USH2A: variants seen among roughly 807,000 people sequenced by gnomAD.
USH2A encodes usherin.
USH2A carries 443 observed loss-of-function variants against 538.9 expected under a neutral mutation model. That is an observed-to-expected ratio of 0.82 (90% CI 0.76 to 0.89). USH2A has a LOEUF of 0.89. USH2A is among the 40% of genes least tolerant of loss of function. The pLI, the probability that USH2A is intolerant of heterozygous loss-of-function variation, is 0.00. For synonymous variants in USH2A, 2,413 were observed against 2,273.5 expected, an observed-to-expected ratio of 1.06 and a Z score of -1.75; for missense variants, 6,633 against 6,324.8, an observed-to-expected ratio of 1.05 and a Z score of -1.65.
chr1:216,241,987 A>G (rs2035947115), intron 13 of USH2A, among the ~76,000 whole-genome samples: 1 of 152,196 alleles, frequency 6.6e-6, no homozygotes. Context: ...CATTTAAAGT[A>G]TTATCGTATT....
At chr1:216,088,494 A>G (rs1034483643) in intron 23 of USH2A, among the ~76,000 whole-genome samples, 7 of 152,198 alleles carry the variant, frequency 4.6e-5, no homozygotes, top group Admixed American at 3.3e-4. Flanking sequence ...AGCCTGCATC[A>G]TTATACAGGT....
At chr1:215,686,122 A>G (rs886270442) in intron 61 of USH2A, among the ~76,000 whole-genome samples, 3 of 152,106 alleles carry the variant, frequency 2.0e-5, no homozygotes, top group African/African-American at 7.2e-5. Context: ...AACATTTTTG[A>G]GCATCTTTTA....
At chr1:216,170,132 G>T (rs1208644280) in intron 21 of USH2A, among the ~76,000 whole-genome samples, 1 of 152,016 alleles carries the variant, frequency 6.6e-6, no homozygotes, top group Admixed American at 6.6e-5. Flanking sequence ...TTCTTTTAAT[G>T]AAGTGCTTAA....
At chr1:215,893,205 A>T (rs187122994) in intron 40 of USH2A, among the ~76,000 whole-genome samples, 131 of 152,320 alleles carry the variant, frequency 8.6e-4, no homozygotes, top group Non-Finnish European at 9.9e-4. Context: ...GATTAAATGA[A>T]TCTATGTATT....
intron 47 of USH2A, among the ~76,000 whole-genome samples, chr1:215,829,858 T>C (rs1204656119): frequency 1.3e-5 from 2 of 152,160 alleles, no homozygotes; most frequent in Admixed American, 6.5e-5. Flanking sequence ...TTGCTAGGCT[T>C]CTGACTGGGG....
At chr1:215,821,410 T>C (rs929534095) in intron 47 of USH2A, among the ~76,000 whole-genome samples, 4 of 151,730 alleles carry the variant, frequency 2.6e-5, no homozygotes, top group Admixed American at 6.6e-5. Flanking sequence ...CAATAGGCAA[T>C]ATAAATGCCT....
intron 37 of USH2A, among the ~76,000 whole-genome samples, chr1:215,942,278 G>C (rs1390665219): frequency 6.6e-6 from 1 of 152,110 alleles, no homozygotes; most frequent in Non-Finnish European, 1.5e-5. Flanking sequence ...ACCACTTGCT[G>C]TATCAAAAAG....
chr1:216,183,669 T>C (rs1171434253), intron 20 of USH2A, among the ~76,000 whole-genome samples: 1 of 151,982 alleles, frequency 6.6e-6, no homozygotes, highest in Non-Finnish European at 1.5e-5. Flanking sequence ...TGCTAATTCA[T>C]CCCATTTACA....
intron 62 of USH2A, among the ~76,000 whole-genome samples, chr1:215,679,647 A>C (rs1658158750): frequency 6.6e-6 from 1 of 152,222 alleles, no homozygotes; most frequent in African/African-American, 2.4e-5. Flanking sequence ...ATTGTTTCTC[A>C]CGGCTACATA....
At chr1:215,842,131 C>T (rs1663695599) in intron 46 of USH2A, among the ~76,000 whole-genome samples, 1 of 152,122 alleles carries the variant, frequency 6.6e-6, no homozygotes. Flanking sequence ...TGATACCAGC[C>T]TGGTCAACAT....
chr1:215,853,816 C>T (rs148231249), intron 44 of USH2A, among the ~76,000 whole-genome samples: 1,954 of 152,308 alleles, frequency 0.013, 16 homozygotes, highest in Non-Finnish European at 0.021. Context: ...AATTCCTCAT[C>T]TCCATCTGAG....
intron 70 of USH2A, among the ~76,000 whole-genome samples, chr1:215,633,247 T>C (rs766375276): frequency 4.6e-5 from 7 of 152,024 alleles, no homozygotes; most frequent in Non-Finnish European, 7.4e-5. Flanking sequence ...GGAAGGAGGC[T>C]CCGAGGAGGA....
At chr1:215,909,598 C>G (rs1452943839) in intron 38 of USH2A, among the ~76,000 whole-genome samples, 2 of 151,812 alleles carry the variant, frequency 1.3e-5, no homozygotes, top group Non-Finnish European at 2.9e-5. Context: ...AAAATAAAGT[C>G]TACTAACATT....
At chr1:216,232,170 CTT>C in intron 13 of USH2A, 34 bp from the exon 14 acceptor site, 6 of 1,577,674 alleles carry the variant, frequency 3.8e-6, no homozygotes, top group Non-Finnish European at 5.2e-6. Flanking sequence ...TTTATATATA[CTT>C]TTTATCCACT....
chr1:216,321,853 T>C (rs542495116), intron 9 of USH2A, 30 bp downstream of exon 9: 2 of 1,586,356 alleles, frequency 1.3e-6, no homozygotes, highest in Non-Finnish European at 1.7e-6. Flanking sequence ...TATTTTTTTT[T>C]TAGATTTCCA....
chr1:215,674,993 G>C lies in USH2A; in HGVS notation c.12918C>G (p.Leu4306=). 1 of 1,614,200 alleles carries C rather than the reference G, an allele frequency of 6.2e-7. No homozygotes were observed. Among genetic ancestry groups the C allele is most frequent in the South Asian group, 1.1e-5 (1 of 91,084 alleles). ...TCACAGGATCAAAGCTAAAAGGATAGAGCATTTCATTCCTTTGAAGCCTAT... is the reference window on the plus strand; with the variant it reads ...TCACAGGATCAAAGCTAAAAGGATACAGCATTTCATTCCTTTGAAGCCTAT... ...QSYRLQRNEM[L]YPFSFDPVTF... Residue 4306 remains leucine (L), a synonymous_variant, in exon 63 of 72, where the codon CTC becomes CTG. Transcript: ENST00000307340.
intron 21 of USH2A, among the ~76,000 whole-genome samples, chr1:216,144,790 C>T (rs1405645503): frequency 6.6e-6 from 1 of 152,168 alleles, no homozygotes; most frequent in Non-Finnish European, 1.5e-5. Context: ...TTTTAACTAT[C>T]TATCTCTGAA....
intron 61 of USH2A, among the ~76,000 whole-genome samples, chr1:215,682,096 A>C (rs529189354): frequency 8.2e-4 from 125 of 152,344 alleles, no homozygotes; most frequent in African/African-American, 2.9e-3. Flanking sequence ...TCCCGATTAC[A>C]AACACTCTTT....
chr1:216,335,784 A>T (rs894367758), intron 4 of USH2A, among the ~76,000 whole-genome samples: 3 of 151,562 alleles, frequency 2.0e-5, no homozygotes, highest in East Asian at 1.9e-4. Flanking sequence ...GTAATTTTTT[A>T]AAAATTTCCA....
Sources: allele counts gnomAD v4.1 joint callset (sites outside exome capture counted in the v4.1 genomes callset), GRCh38; gene constraint gnomAD v4.1.1; transcripts MANE v1.5; gene names NCBI Gene and HGNC (gene_info 2026-07-23, HGNC 2026-07-21).